Variants in RSPRY1 observed in about 807,000 individuals in gnomAD.
RSPRY1 encodes the protein ring finger and SPRY domain containing 1, also known as RING finger and SPRY domain-containing protein 1.
Under a neutral mutation model 73.1 loss-of-function variants are expected in RSPRY1, and 23 were observed. The ratio of observed to expected loss-of-function variants is 0.31; its 90% CI spans 0.23 to 0.45. The LOEUF is 0.45. Ranked by LOEUF, RSPRY1 falls within the 20% of genes least tolerant of loss-of-function variation. RSPRY1 has a pLI of 1.00. For missense variants in RSPRY1, 448 were observed against 698.7 expected, an observed-to-expected ratio of 0.64 and a Z score of 4.05; for synonymous variants, 226 against 251.4, an observed-to-expected ratio of 0.90 and a Z score of 0.95.
chr16:57,210,492 C>T (rs1412056570), intron 4 of RSPRY1, among the ~76,000 whole-genome samples: 1 of 152,032 alleles, frequency 6.6e-6, no homozygotes, highest in Non-Finnish European at 1.5e-5. Context: ...CACCTGAGGT[C>T]AGGAGTTCGA....
At chr16:57,235,714 G>T (rs536875158) in intron 14 of RSPRY1, among the ~76,000 whole-genome samples, 1 of 152,318 alleles carries the variant, frequency 6.6e-6, no homozygotes, top group African/African-American at 2.4e-5. Context: ...GAGCAGTTGG[G>T]CAATGTGGCG....
At chr16:57,218,205 A>G (rs2074971622) in intron 8 of RSPRY1, among the ~76,000 whole-genome samples, 1 of 152,242 alleles carries the variant, frequency 6.6e-6, no homozygotes, top group African/African-American at 2.4e-5. Flanking sequence ...TTTTTGGAGC[A>G]CATGAGATAT....
At position 57,205,500 on chromosome 16, in the gene RSPRY1, T is replaced by G. The variant is rs567237366; in HGVS notation, c.350+492T>G. On this transcript the variant is annotated intron_variant, in intron 2 of 14. Transcript: ENST00000394420. ...TCCTTTATCCCTTATTTGACTATCT[T>G]TAATCCATTTAGGAAGCTTGTCAGT... Among the ~76,000 whole-genome samples the G allele has an allele frequency of 4.5e-4, 69 of 152,342 alleles. 1 individual carries two copies. The Middle Eastern group carries it at 0.017, about 38-fold the overall frequency.
chr16:57,211,027 G>A (rs1230540023), intron 4 of RSPRY1, among the ~76,000 whole-genome samples: 3 of 152,122 alleles, frequency 2.0e-5, no homozygotes, highest in Middle Eastern at 3.2e-3. Flanking sequence ...CTCAGGTGGC[G>A]ATCTTTATTC....
In RSPRY1 at chr16:57,231,471, C is replaced by T. The variant is rs760987815; in HGVS notation, c.1529+152C>T. ...TTCAGGAAATATAAATTTCTAAGAT[C>T]GCAGAAGAAATATACACAAACCAAT... On this transcript the variant is annotated intron_variant, in intron 13 of 14. Transcript: ENST00000394420. 18 of 785,306 alleles carry T rather than the reference C, an allele frequency of 2.3e-5. No homozygotes were observed. The African/African-American group carries it at 2.4e-4, about 11-fold the overall frequency. 48.6% of individuals were successfully genotyped at this position (785,306 alleles called of 1,614,324 possible).
intron 1 of RSPRY1, among the ~76,000 whole-genome samples, chr16:57,200,156 C>T (rs2074541551): frequency 6.7e-6 from 1 of 149,556 alleles, no homozygotes; most frequent in African/African-American, 2.5e-5. Context: ...GCACATCTTG[C>T]ACCACCCTTA....
intron 1 of RSPRY1, among the ~76,000 whole-genome samples, chr16:57,203,808 CAT>C (rs1266077070): frequency 1.3e-5 from 2 of 152,326 alleles, no homozygotes; most frequent in East Asian, 3.9e-4. Context: ...TTGTAATAGA[CAT>C]GTGCAACAAA....
intron 1 of RSPRY1, among the ~76,000 whole-genome samples, chr16:57,200,189 A>G (rs1245118574): frequency 6.7e-6 from 1 of 148,868 alleles, no homozygotes; most frequent in Non-Finnish European, 1.5e-5. Context: ...CTGAGTGGAC[A>G]CAGCACATGT....
intron 8 of RSPRY1, among the ~76,000 whole-genome samples, chr16:57,219,437 C>G (rs1271350472): frequency 1.3e-5 from 2 of 152,170 alleles, no homozygotes; most frequent in Non-Finnish European, 2.9e-5. Context: ...TTTCATATAT[C>G]TGTTTGCCAT....
At chr16:57,217,106 G>A in intron 8 of RSPRY1, 71 bp downstream of exon 8, 1 of 1,564,598 alleles carries the variant, frequency 6.4e-7, no homozygotes, top group Admixed American at 1.7e-5. Context: ...TAGGCTCACT[G>A]GTCTTCCTTT....
intron 1 of RSPRY1, among the ~76,000 whole-genome samples, chr16:57,189,059 T>TC (rs2074303841): frequency 6.7e-6 from 1 of 150,226 alleles, no homozygotes; most frequent in African/African-American, 2.5e-5. Flanking sequence ...AATGGCGCGA[T>TC]CTCAGCTCAC....
chr16:57,238,239 G>A (rs1324184290), intron 14 of RSPRY1, among the ~76,000 whole-genome samples: 4 of 152,150 alleles, frequency 2.6e-5, no homozygotes, highest in African/African-American at 4.8e-5. Flanking sequence ...TATTGTAAAG[G>A]TGACAGTTTT....
intron 8 of RSPRY1, among the ~76,000 whole-genome samples, chr16:57,219,493 CT>C (rs1390545924): frequency 6.6e-6 from 1 of 152,168 alleles, no homozygotes; most frequent in Non-Finnish European, 1.5e-5. Context: ...GTTTTGCCCA[CT>C]TTTTAATCAG....
chr16:57,224,794 T>C (rs896724639), intron 10 of RSPRY1, among the ~76,000 whole-genome samples: 4 of 152,228 alleles, frequency 2.6e-5, no homozygotes, highest in African/African-American at 7.2e-5. Flanking sequence ...GTGGAACTTA[T>C]CCAGTCATCA....
intron 1 of RSPRY1, among the ~76,000 whole-genome samples, chr16:57,201,178 G>A (rs2074591589): frequency 6.6e-6 from 1 of 151,480 alleles, no homozygotes; most frequent in South Asian, 2.1e-4. Flanking sequence ...GCTGCCAGGT[G>A]GAGGGGCTCC....
At chr16:57,197,634 T>C (rs2074474245) in intron 1 of RSPRY1, among the ~76,000 whole-genome samples, 1 of 152,252 alleles carries the variant, frequency 6.6e-6, no homozygotes, top group South Asian at 2.1e-4. Flanking sequence ...AGAAACTGAC[T>C]CAAAACACAC....
At position 57,186,331 on chromosome 16, in the gene RSPRY1, C is replaced by T; in HGVS notation, c.-276C>T. 1 of 215,018 alleles carries T rather than the reference C, an allele frequency of 4.7e-6. No individual in the cohort carries two copies. The highest frequency in any genetic ancestry group is 6.5e-5 in the Admixed American group (1 of 15,346). The allele number at this position is 215,018 out of a possible 1,614,324, so 13.3% of individuals were successfully genotyped here. On this transcript the variant is annotated 5_prime_UTR_variant, in exon 1 of 15. Transcript: ENST00000394420. ...GGGCGGTACGAAGCGGGGGTGGGCT[C>T]TGCGCGTAATGGCAGCGCCGTGGCC...
intron 10 of RSPRY1, among the ~76,000 whole-genome samples, chr16:57,226,153 C>T: frequency 6.6e-6 from 1 of 152,234 alleles, no homozygotes; most frequent in Non-Finnish European, 1.5e-5. Context: ...TAGCTTTTAG[C>T]TGAGTGTCCA....
chr16:57,212,111 A>G (rs2074854880), intron 4 of RSPRY1, among the ~76,000 whole-genome samples: 1 of 152,164 alleles, frequency 6.6e-6, no homozygotes, highest in African/African-American at 2.4e-5. Flanking sequence ...CAGGAGTTCA[A>G]GACCAGCCTG....
Sources: gnomAD v4.1 joint callset for allele counts (sites outside exome capture counted in the v4.1 genomes callset) on GRCh38, gnomAD v4.1.1 for gene constraint, MANE v1.5 for transcripts, NCBI Gene and HGNC (gene_info 2026-07-23, HGNC 2026-07-21) for gene names.